The following ME1 variants were observed in gnomAD, a reference collection of about 807,000 sequenced individuals.
ME1 encodes malic enzyme 1.
Under a neutral mutation model 66.4 loss-of-function variants are expected in ME1, and 74 were observed. The observed-to-expected ratio is 1.11, with a 90% confidence interval of 0.92 to 1.35. ME1 has a LOEUF of 1.35. Ranked by LOEUF, ME1 falls within the 40% of genes most tolerant of loss-of-function variation. ME1 has a pLI of 0.00. For synonymous variants in ME1, 251 were observed against 235.6 expected (o/e 1.07, Z -0.60); for missense variants, 750 against 694.1 (o/e 1.08, Z -0.90).
intron 9 of ME1, among the ~76,000 whole-genome samples, chr6:83,232,147 G>A (rs1174407338): frequency 6.6e-6 from 1 of 152,044 alleles, no homozygotes. Context: ...TACATACAGG[G>A]ACTAGAAAAA....
At chr6:83,269,170 T>G (rs953425296) in intron 6 of ME1, among the ~76,000 whole-genome samples, 3 of 152,216 alleles carry the variant, frequency 2.0e-5, no homozygotes, top group Admixed American at 2.0e-4. Context: ...TCAGTGCTAA[T>G]AAACAGTTTC....
At chr6:83,243,647 TATAATCTATTATAATTACATTATATC>T (rs1790554521) in intron 7 of ME1, among the ~76,000 whole-genome samples, 1 of 117,332 alleles carries the variant, frequency 8.5e-6, no homozygotes, top group African/African-American at 3.7e-5. Flanking sequence ...ATTATATCGA[TATAATCTATTATAATTACATTATATC>T]GATATAATCT....
chr6:83,344,399 G>T (rs1768647681), intron 5 of ME1, among the ~76,000 whole-genome samples: 2 of 151,522 alleles, frequency 1.3e-5, no homozygotes, highest in African/African-American at 2.4e-5. Context: ...ATATTTTTGT[G>T]ATTTTTAAAA....
At chr6:83,254,161 TG>T (rs903086660) in intron 6 of ME1, among the ~76,000 whole-genome samples, 4 of 152,138 alleles carry the variant, frequency 2.6e-5, no homozygotes, top group African/African-American at 9.7e-5. Context: ...AGTAGAGATG[TG>T]GGGTTTTATA....
intron 3 of ME1, among the ~76,000 whole-genome samples, chr6:83,395,829 G>A (rs1255195118): frequency 1.3e-5 from 2 of 150,270 alleles, no homozygotes; most frequent in South Asian, 2.1e-4. Flanking sequence ...AAAACAATTA[G>A]GCAAGCAAAA....
chr6:83,215,131 T>C lies in ME1; in HGVS notation c.1548+1367A>G, dbSNP rs372916588. Among the ~76,000 whole-genome samples, 19 of 152,340 alleles carry C rather than the reference T, an allele frequency of 1.2e-4. 1 individual carries two copies. The highest frequency in any genetic ancestry group is 9.6e-4 in the East Asian group (5 of 5,192). On this transcript the variant is annotated intron_variant, in intron 13 of 13. Coordinates refer to ENST00000369705, the MANE Select transcript of ME1 (RefSeq NM_002395.6). Reference sequence around the variant, plus strand: ...AAGCAGATTATTATGTAAAGGTTTTTAGAGAATTACTTCTTTTTTTAAGAG... The same window carrying C: ...AAGCAGATTATTATGTAAAGGTTTTCAGAGAATTACTTCTTTTTTTAAGAG...
intron 6 of ME1, among the ~76,000 whole-genome samples, chr6:83,262,900 A>AATTTAT (rs1766924294): frequency 6.6e-6 from 1 of 152,168 alleles, no homozygotes; most frequent in Non-Finnish European, 1.5e-5. Context: ...AGTTTATCAG[A>AATTTAT]ATTTATTACC....
At chr6:83,346,687 G>A (rs1768692914) in intron 4 of ME1, among the ~76,000 whole-genome samples, 1 of 152,206 alleles carries the variant, frequency 6.6e-6, no homozygotes, top group Admixed American at 6.5e-5. Context: ...TTGAGCAAGA[G>A]TGTCCTTAGT....
chr6:83,236,851 T>C (rs1251264907), intron 9 of ME1, among the ~76,000 whole-genome samples: 1 of 152,070 alleles, frequency 6.6e-6, no homozygotes, highest in Non-Finnish European at 1.5e-5. Context: ...CAACTCTCAA[T>C]AAAAAGTGAT....
chr6:83,279,124 A>T (rs1767243593), intron 6 of ME1, among the ~76,000 whole-genome samples: 1 of 152,218 alleles, frequency 6.6e-6, no homozygotes, highest in Non-Finnish European at 1.5e-5. Context: ...ACAAGAGGTT[A>T]GACAAAAACA....
intron 6 of ME1, among the ~76,000 whole-genome samples, chr6:83,266,237 A>G (rs537864099): frequency 2.0e-4 from 31 of 152,356 alleles, no homozygotes; most frequent in African/African-American, 6.0e-4. Context: ...CTTTGCATGT[A>G]TAACTGCTTA....
At chr6:83,422,634 G>A (rs116280081) in intron 1 of ME1, among the ~76,000 whole-genome samples, 4 of 152,080 alleles carry the variant, frequency 2.6e-5, no homozygotes, top group African/African-American at 9.6e-5. Flanking sequence ...GAAAGTATTG[G>A]ACAAGAAATA....
chr6:83,318,003 C>G (rs1185929467), intron 5 of ME1, among the ~76,000 whole-genome samples: 3 of 152,118 alleles, frequency 2.0e-5, no homozygotes, highest in African/African-American at 7.2e-5. Context: ...CGCCACATAT[C>G]TACAACTATC....
intron 7 of ME1, among the ~76,000 whole-genome samples, chr6:83,250,873 G>A (rs1412124290): frequency 6.6e-6 from 1 of 152,178 alleles, no homozygotes; most frequent in African/African-American, 2.4e-5. Flanking sequence ...ATATTTTAGG[G>A]CTTGTGTGCC....
intron 1 of ME1, among the ~76,000 whole-genome samples, chr6:83,420,308 T>A (rs149003347): frequency 4.6e-5 from 7 of 152,270 alleles, no homozygotes; most frequent in African/African-American, 1.7e-4. Flanking sequence ...CCTGAAGTGA[T>A]CCGCCTGCCT....
chr6:83,310,103 G>A (rs1487630078), intron 6 of ME1, among the ~76,000 whole-genome samples: 2 of 152,080 alleles, frequency 1.3e-5, no homozygotes, highest in Admixed American at 6.6e-5. Context: ...TTTCTGAATT[G>A]AGAAATTATG....
At chr6:83,361,934 C>T (rs1021988347) in intron 3 of ME1, among the ~76,000 whole-genome samples, 1 of 152,162 alleles carries the variant, frequency 6.6e-6, no homozygotes, top group Non-Finnish European at 1.5e-5. Context: ...CTCCTGCCAC[C>T]CTGACTTCTC....
At chr6:83,253,230 A>C (rs941369088) in intron 7 of ME1, among the ~76,000 whole-genome samples, 1 of 152,144 alleles carries the variant, frequency 6.6e-6, no homozygotes, top group African/African-American at 2.4e-5. Flanking sequence ...ACAAATAGCA[A>C]AATGCAGCAT....
intron 1 of ME1, among the ~76,000 whole-genome samples, 176 bp downstream of exon 1, chr6:83,430,701 G>T (rs532012719): frequency 6.6e-6 from 1 of 152,242 alleles, no homozygotes; most frequent in African/African-American, 2.4e-5. Flanking sequence ...ATACGGACCC[G>T]ATTAGGCGTC....
Sources: allele counts gnomAD v4.1 joint callset (sites outside exome capture counted in the v4.1 genomes callset), GRCh38; gene constraint gnomAD v4.1.1; transcripts MANE v1.5; gene names NCBI Gene and HGNC (gene_info 2026-07-23, HGNC 2026-07-21).